Variants in RBM4 observed in about 807,000 individuals in gnomAD.
RBM4 encodes the protein RNA-binding protein 4.
In RBM4, 7 loss-of-function variants were observed where a neutral mutation model predicts 29.5. That is an observed-to-expected ratio of 0.24 (90% CI 0.14 to 0.45). The LOEUF (loss-of-function observed/expected upper bound fraction) is 0.45, where lower values mean the gene tolerates loss of function less well. Among genes scored for constraint, RBM4 ranks in the 20% least tolerant of loss-of-function variants. RBM4 has a pLI of 1.00. For synonymous variants in RBM4, 220 were observed against 205.4 expected (o/e 1.07, Z -0.61); for missense variants, 387 against 502.3 (o/e 0.77, Z 2.19).
downstream of RBM4, among the ~76,000 whole-genome samples, chr11:66,649,537 T>G (rs777223583): frequency 2.0e-5 from 3 of 152,130 alleles, no homozygotes; most frequent in Non-Finnish European, 4.4e-5. Flanking sequence ...GCAAGACGAA[T>G]TATTTTTAAG....
At chr11:66,652,151 G>A (rs536901872) in intron 2 of RBM4, 1 of 152,044 alleles carries the variant, frequency 6.6e-6, no homozygotes, top group South Asian at 2.1e-4. Flanking sequence ...GGAGCGCAGT[G>A]GTGCAGTCTC....
At chr11:66,644,576 T>C (rs1190264812) in intron 3 of RBM4, 19 of 590,600 alleles carry the variant, frequency 3.2e-5, no homozygotes, top group Admixed American at 1.6e-4. Flanking sequence ...GTGAAAGTTC[T>C]GATATGACCC....
At position 66,644,127 on chromosome 11, in the gene RBM4, T is replaced by G. The variant is rs1413504888; in HGVS notation, c.1090T>G (p.Phe364Val). 6.2e-7 allele frequency: 1 copy of G among 1,611,744 alleles called. No homozygotes were observed. Among genetic ancestry groups the G allele is most frequent in the Admixed American group, 1.7e-5 (1 of 59,846 alleles). Residue 364 changes from phenylalanine to valine, a missense_variant, in exon 3 of 4, where the codon TTT becomes GTT. Transcript: ENST00000310092. The part of the protein sequence containing the change: ...QYADRARYSA[F>V] ...TGCCGATCGGGCGCGGTACTCAGCCTTTTAAAGCTTGAGGTGAGAGGGGTG... is the reference window on the plus strand; with the variant it reads ...TGCCGATCGGGCGCGGTACTCAGCCGTTTAAAGCTTGAGGTGAGAGGGGTG...
downstream of RBM4, among the ~76,000 whole-genome samples, chr11:66,648,074 C>A (rs1051498253): frequency 3.9e-5 from 6 of 151,984 alleles, no homozygotes; most frequent in Non-Finnish European, 8.8e-5. Context: ...GGTGTGGTGG[C>A]ACGCACCTGT....
chr11:66,651,816 G>A (rs976092232), intron 2 of RBM4, among the ~76,000 whole-genome samples: 1 of 152,180 alleles, frequency 6.6e-6, no homozygotes, highest in Non-Finnish European at 1.5e-5. Context: ...TTGCAAGGCA[G>A]GAAGGGTGAG....
chr11:66,649,081 A>G (rs1194723889), downstream of RBM4, among the ~76,000 whole-genome samples: 2 of 151,904 alleles, frequency 1.3e-5, no homozygotes, highest in African/African-American at 4.8e-5. Flanking sequence ...GATCTGGCTC[A>G]CCGCAGCCTC....
chr11:66,644,706 C>T lies in RBM4; in HGVS notation c.*8+566C>T, dbSNP rs151000581. 103 of 979,750 alleles carry T rather than the reference C, an allele frequency of 1.1e-4. 5 individuals carry two copies. The highest frequency in any genetic ancestry group is 1.1e-4 in the East Asian group (1 of 8,796). The allele number at this position is 979,750 out of a possible 1,614,324, so 60.7% of individuals were successfully genotyped here. A position where few individuals can be genotyped will look rare whatever the true frequency, so the allele number is the denominator to read the frequency against. Reference sequence around the variant, plus strand: ...AAGCGTATTTCTGACATTCCTGAACCGTTCAACCCTTATGAGTTTTATAGA... The same window carrying T: ...AAGCGTATTTCTGACATTCCTGAACTGTTCAACCCTTATGAGTTTTATAGA... On this transcript the variant is annotated intron_variant, in intron 3 of 3. Coordinates refer to ENST00000310092, the MANE Select transcript of RBM4 (RefSeq NM_002896.4).
chr11:66,649,414 AC>A (rs1427713229), downstream of RBM4, among the ~76,000 whole-genome samples: 3 of 152,222 alleles, frequency 2.0e-5, no homozygotes, highest in African/African-American at 4.8e-5. Context: ...TTGTGGTGAT[AC>A]GCAGCTGAAG....
At chr11:66,666,096 AACACACCT>A (rs1474339739) in exon 3 of RBM4, 12 of 872,016 alleles carry the variant, frequency 1.4e-5, no homozygotes, top group Non-Finnish European at 1.9e-5. Context: ...ACCCAATTCC[AACACACCT>A]ACATGTCACA....
At chr11:66,653,184 A>G (rs908938070) in intron 2 of RBM4, among the ~76,000 whole-genome samples, 1 of 152,142 alleles carries the variant, frequency 6.6e-6, no homozygotes, top group African/African-American at 2.4e-5. Context: ...TCCTTTGTAC[A>G]GTTGACCATT....
chr11:66,653,972 G>A (rs775205503), intron 2 of RBM4, among the ~76,000 whole-genome samples: 2 of 152,128 alleles, frequency 1.3e-5, no homozygotes, highest in Non-Finnish European at 2.9e-5. Context: ...TGCAAGGATC[G>A]CTTGAGCAGC....
chr11:66,650,134 G>A (rs936826180), downstream of RBM4, among the ~76,000 whole-genome samples: 1 of 152,226 alleles, frequency 6.6e-6, no homozygotes, highest in African/African-American at 2.4e-5. Context: ...TTGGAAGTCA[G>A]TTCGGGGTGG....
At chr11:66,656,605 T>C (rs982806484) in intron 2 of RBM4, among the ~76,000 whole-genome samples, 2 of 152,164 alleles carry the variant, frequency 1.3e-5, no homozygotes, top group African/African-American at 4.8e-5. Flanking sequence ...CAATAAAATA[T>C]ACCAATTTTG....
intron 2 of RBM4, among the ~76,000 whole-genome samples, chr11:66,663,728 G>GTA (rs1487153349): frequency 0.013 from 1,916 of 151,472 alleles, 44 homozygotes; most frequent in African/African-American, 0.042. Context: ...GTGTGTGTGT[G>GTA]TATATATGTT....
At chr11:66,665,516 A>C in intron 2 of RBM4, 70 of 1,238,842 alleles carry the variant, frequency 5.7e-5, no homozygotes, top group Non-Finnish European at 7.2e-5. Context: ...GGCAAAGGGG[A>C]CCGCGCGGAG....
downstream of RBM4, chr11:66,649,637 TTGAG>T (rs1451367663): frequency 6.2e-6 from 4 of 641,450 alleles, no homozygotes; most frequent in Non-Finnish European, 8.4e-6. Context: ...AAGTGTATCT[TTGAG>T]TGGAAGCCAC....
At chr11:66,655,937 G>T (rs1428832693) in intron 2 of RBM4, among the ~76,000 whole-genome samples, 2 of 151,630 alleles carry the variant, frequency 1.3e-5, no homozygotes, top group African/African-American at 4.9e-5. Flanking sequence ...AGTTTTTCCT[G>T]ACTCTGGGAA....
Position 66,644,137 on chromosome 11 carries a change from T to A in RBM4, c.*5T>A. On this transcript the variant is annotated 3_prime_UTR_variant, in exon 3 of 4. Transcript: ENST00000310092. ...GCGCGGTACTCAGCCTTTTAAAGCT[T>A]GAGGTGAGAGGGGTGGGGTGTTCCC... The A allele has an allele frequency of 6.2e-7, 1 of 1,608,696 alleles. No individual in the cohort carries two copies. Among genetic ancestry groups the A allele is most frequent in the Non-Finnish European group, 8.5e-7 (1 of 1,176,816 alleles).
chr11:66,664,269 G>C (rs530912270), intron 2 of RBM4, among the ~76,000 whole-genome samples: 165 of 146,978 alleles, frequency 1.1e-3, no homozygotes, highest in Non-Finnish European at 1.9e-3. Context: ...TCCTGCCTCA[G>C]CCTCCCAAGT....
Sources: allele counts gnomAD v4.1 joint callset (sites outside exome capture counted in the v4.1 genomes callset), GRCh38; gene constraint gnomAD v4.1.1; transcripts MANE v1.5; gene names NCBI Gene and HGNC (gene_info 2026-07-23, HGNC 2026-07-21).